Variants in HIVEP3 observed in about 807,000 individuals in gnomAD.
HIVEP3 encodes the protein transcription factor HIVEP3.
HIVEP3 carries 49 observed loss-of-function variants against 152.8 expected under a neutral mutation model. The ratio of observed to expected loss-of-function variants is 0.32; its 90% confidence interval spans 0.26 to 0.41. HIVEP3 has a LOEUF of 0.41. HIVEP3 is among the 10% of genes least tolerant of loss of function. HIVEP3 has a pLI of 1.00. For missense variants in HIVEP3, 2,790 were observed against 3,103.3 expected (o/e 0.90, Z 2.40); for synonymous variants, 1,269 against 1,289.0 (o/e 0.98, Z 0.33).
At chr1:41,772,844 T>C (rs571398651) in intron 1 of HIVEP3, among the ~76,000 whole-genome samples, 16 of 152,292 alleles carry the variant, frequency 1.1e-4, no homozygotes, top group African/African-American at 3.8e-4. Flanking sequence ...TGGGACAGGT[T>C]GCAGTGAGCC....
intron 3 of HIVEP3, among the ~76,000 whole-genome samples, chr1:41,617,630 T>C (rs1017850415): frequency 3.3e-5 from 5 of 152,218 alleles, no homozygotes; most frequent in African/African-American, 1.2e-4. Flanking sequence ...GAGAGGGACA[T>C]TGACAGTGCA....
chr1:41,871,143 A>G (rs1054292111), intron 1 of HIVEP3, among the ~76,000 whole-genome samples: 2 of 152,198 alleles, frequency 1.3e-5, no homozygotes, highest in Non-Finnish European at 2.9e-5. Context: ...AAGATTTCCT[A>G]TTACAAAATG....
intron 5 of HIVEP3, among the ~76,000 whole-genome samples, chr1:41,553,335 C>T (rs181153927): frequency 0.02 from 3,040 of 151,318 alleles, 217 homozygotes; most frequent in Admixed American, 0.15. Context: ...GCTTTTTTTT[C>T]GCTTTCCATT....
chr1:42,011,581 T>C (rs1645492363), intron 1 of HIVEP3, among the ~76,000 whole-genome samples: 1 of 152,158 alleles, frequency 6.6e-6, no homozygotes, highest in Non-Finnish European at 1.5e-5. Context: ...CTCAGGCATT[T>C]GGGGACATGG....
chr1:41,703,003 G>A (rs992646255), intron 1 of HIVEP3, among the ~76,000 whole-genome samples: 4 of 152,130 alleles, frequency 2.6e-5, no homozygotes, highest in Admixed American at 6.5e-5. Context: ...ACCCTTGCCC[G>A]GTGCTTTTTC....
rs193171765 is a variant in HIVEP3 at position 41,959,401 on chromosome 1, G to A, written n.120-40877C>T. Among the ~76,000 whole-genome samples the A allele has an allele frequency of 1.6e-4, 25 of 152,342 alleles. No homozygotes were observed. The East Asian group carries it at 4.6e-3, about 28-fold the overall frequency. On this transcript the variant is annotated intron_variant and non_coding_transcript_variant, in intron 1 of 3. Transcript: ENST00000489103. The stretch of plus-strand genomic sequence containing the variant: ...AACTGACTGCTATAGCTGAGAGTCT[G>A]ATCCTGCATAAATTCACTTCAGACA...
intron 1 of HIVEP3, among the ~76,000 whole-genome samples, chr1:41,948,812 T>C (rs2124490006): frequency 6.6e-6 from 1 of 151,900 alleles, no homozygotes; most frequent in South Asian, 2.1e-4. Context: ...CAAATCATTA[T>C]TTACTGGACC....
chr1:41,925,514 T>C (rs1174399772), intron 1 of HIVEP3, among the ~76,000 whole-genome samples: 1 of 152,068 alleles, frequency 6.6e-6, no homozygotes, highest in African/African-American at 2.4e-5. Flanking sequence ...TCACATTGAG[T>C]AGGCTGAGGA....
At chr1:41,649,321 C>T (rs539602689) in intron 2 of HIVEP3, among the ~76,000 whole-genome samples, 1 of 152,364 alleles carries the variant, frequency 6.6e-6, no homozygotes, top group Middle Eastern at 3.4e-3. Context: ...CCAGGCTCCA[C>T]CTTCTCCCAC....
At chr1:41,799,160 A>T (rs1650159208) in intron 1 of HIVEP3, among the ~76,000 whole-genome samples, 1 of 152,224 alleles carries the variant, frequency 6.6e-6, no homozygotes, top group Admixed American at 6.5e-5. Context: ...TTCAAAGAAC[A>T]TCTGTTAATG....
chr1:41,604,367 AG>A (rs1298706477), intron 3 of HIVEP3, among the ~76,000 whole-genome samples: 2 of 152,256 alleles, frequency 1.3e-5, no homozygotes, highest in Admixed American at 1.3e-4. Context: ...GTACTGCTAC[AG>A]ACAAAAATAT....
chr1:41,968,109 T>C (rs980495672), intron 1 of HIVEP3, among the ~76,000 whole-genome samples: 3 of 152,264 alleles, frequency 2.0e-5, no homozygotes, highest in South Asian at 2.1e-4. Context: ...AGCTGAATTC[T>C]ACCAGAGGTA....
intron 1 of HIVEP3, among the ~76,000 whole-genome samples, chr1:41,928,232 G>A (rs1644977913): frequency 6.6e-6 from 1 of 152,108 alleles, no homozygotes; most frequent in African/African-American, 2.4e-5. Context: ...GTGGGTTACA[G>A]GAGTGCCCAG....
intron 2 of HIVEP3, among the ~76,000 whole-genome samples, chr1:41,673,321 G>A (rs754035395): frequency 8.5e-5 from 13 of 152,256 alleles, no homozygotes; most frequent in Non-Finnish European, 1.9e-4. Context: ...TTTCCCAGGA[G>A]GACCTTTAAG....
intron 1 of HIVEP3, among the ~76,000 whole-genome samples, chr1:41,718,786 A>C (rs1646634353): frequency 1.3e-5 from 2 of 148,960 alleles, no homozygotes; most frequent in Admixed American, 6.6e-5. Flanking sequence ...ACACACACAC[A>C]CACACACACA....
intron 4 of HIVEP3, among the ~76,000 whole-genome samples, chr1:41,577,072 C>A (rs1392495247): frequency 6.6e-6 from 1 of 152,198 alleles, no homozygotes; most frequent in African/African-American, 2.4e-5. Context: ...CAGACTACTT[C>A]TCCCTCACAG....
At chr1:41,829,442 T>C (rs915643465) in intron 1 of HIVEP3, among the ~76,000 whole-genome samples, 2 of 152,114 alleles carry the variant, frequency 1.3e-5, no homozygotes, top group Non-Finnish European at 2.9e-5. Context: ...GCCCTGAAAA[T>C]GGCCCAGATA....
intron 1 of HIVEP3, among the ~76,000 whole-genome samples, chr1:41,862,935 G>A (rs1643905870): frequency 6.6e-6 from 1 of 152,208 alleles, no homozygotes; most frequent in African/African-American, 2.4e-5. Flanking sequence ...CACAGCTGCA[G>A]TTATTCTGAA....
intron 1 of HIVEP3, among the ~76,000 whole-genome samples, chr1:41,815,405 A>G (rs987500139): frequency 1.1e-4 from 16 of 152,210 alleles, no homozygotes; most frequent in African/African-American, 3.9e-4. Flanking sequence ...CAGGAGTTTG[A>G]GGCTGCAGTG....
Sources: allele counts gnomAD v4.1 joint callset (sites outside exome capture counted in the v4.1 genomes callset), GRCh38; gene constraint gnomAD v4.1.1; transcripts MANE v1.5; gene names NCBI Gene and HGNC (gene_info 2026-07-23, HGNC 2026-07-21).